Variants in OLFM1 observed in about 807,000 individuals in gnomAD.
OLFM1 encodes the protein noelin.
A neutral mutation model predicts 49.7 loss-of-function variants in OLFM1; 9 were observed. The ratio of observed to expected loss-of-function variants is 0.18; its 90% CI spans 0.11 to 0.32. The LOEUF (loss-of-function observed/expected upper bound fraction) is 0.32. OLFM1 is among the 10% of genes least tolerant of loss of function. OLFM1 has a pLI of 1.00. For synonymous variants in OLFM1, 240 were observed against 271.8 expected (o/e 0.88, Z 1.15); for missense variants, 369 against 661.8 (o/e 0.56, Z 4.85).
chr9:135,098,039 A>G lies in OLFM1; in HGVS notation c.457-247A>G. Reference sequence around the variant, plus strand: ...AAGAAAGAAAAAAAAAACTTCGTGTATGTGACTCAAAGCATGTAACCTTAA... The same window carrying G: ...AAGAAAGAAAAAAAAAACTTCGTGTGTGTGACTCAAAGCATGTAACCTTAA... On this transcript the variant is annotated intron_variant, in intron 3 of 5. Coordinates refer to ENST00000371793, the MANE Select transcript of OLFM1 (RefSeq NM_001282611.2). This position sits in a 1 kb window ranked among gnomAD's most constrained non-coding sequence, Gnocchi z 5.6. 2.8e-6 allele frequency: 4 copies of G among 1,423,102 alleles called. No individual in the cohort carries two copies. The highest frequency in any genetic ancestry group is 3.6e-6 in the Non-Finnish European group (4 of 1,096,486). 88.2% of individuals were successfully genotyped at this position (1,423,102 alleles called of 1,614,324 possible).
chr9:135,106,711 C>T (rs753597539), intron 4 of OLFM1, 38 bp from the exon 5 acceptor site: 2 of 1,583,020 alleles, frequency 1.3e-6, no homozygotes, highest in South Asian at 1.1e-5. Context: ...GGCCGGGGCC[C>T]CCGCCCTCCC....
At chr9:135,089,005 C>A (rs1830643211) in intron 1 of OLFM1, among the ~76,000 whole-genome samples, 1 of 152,228 alleles carries the variant, frequency 6.6e-6, no homozygotes, top group Non-Finnish European at 1.5e-5. Context: ...CGGGAAGGCG[C>A]GCCCCAGACC....
intron 4 of OLFM1, among the ~76,000 whole-genome samples, chr9:135,100,906 TTAGA>T (rs1554753672): frequency 2.1e-5 from 3 of 140,588 alleles, no homozygotes; most frequent in East Asian, 2.1e-4. Flanking sequence ...GGATAGGTAG[TTAGA>T]TAGATAAATG....
At chr9:135,111,176 C>T (rs117872508) in intron 5 of OLFM1, among the ~76,000 whole-genome samples, 1,809 of 152,314 alleles carry the variant, frequency 0.012, 25 homozygotes, top group South Asian at 0.073. Flanking sequence ...GCCTCGGTTT[C>T]GGAGAAGCCT....
intron 3 of OLFM1, among the ~76,000 whole-genome samples, chr9:135,097,046 T>C (rs983041054): frequency 2.6e-5 from 4 of 152,216 alleles, no homozygotes; most frequent in African/African-American, 4.8e-5. Flanking sequence ...CCAGCCCAGA[T>C]GTAAATGAAC....
chr9:135,085,695 C>T (rs1000472932), upstream of OLFM1, among the ~76,000 whole-genome samples: 52 of 152,360 alleles, frequency 3.4e-4, no homozygotes, highest in African/African-American at 1.2e-3. Context: ...TATTGCCTGG[C>T]GCCATGGATC....
In OLFM1 at chr9:135,095,926, C is replaced by G; in HGVS notation, c.363C>G (p.Tyr121Ter). Reference sequence around the variant, plus strand: ...GGCGGACCCAGAGAGACTTGCAGTACGTGGAGAAGATGGAGAACCAAATGA... The same window carrying G: ...GGCGGACCCAGAGAGACTTGCAGTAGGTGGAGAAGATGGAGAACCAAATGA... ...LDRRTQRDLQ[Y>*]VEKMENQMKG... The change falls in exon 3 of 6, where the codon TAC becomes TAG. Residue 121 changes from tyrosine to a stop codon, truncating the protein, a stop_gained. Coordinates refer to ENST00000371793, the MANE Select transcript of OLFM1 (RefSeq NM_001282611.2). LOFTEE classifies it high-confidence loss of function. The G allele has an allele frequency of 6.2e-7, 1 of 1,612,930 alleles. No homozygotes were observed. Among genetic ancestry groups the G allele is most frequent in the Non-Finnish European group, 8.5e-7 (1 of 1,179,484 alleles).
chr9:135,075,919 C>G, intron 1 of OLFM1: 1 of 1,405,094 alleles, frequency 7.1e-7, no homozygotes, highest in East Asian at 2.8e-5. Context: ...CCGGCCTGGG[C>G]GCCCGAAGTG....
At chr9:135,116,165 C>T (rs1437460481) in intron 5 of OLFM1, among the ~76,000 whole-genome samples, 1 of 152,304 alleles carries the variant, frequency 6.6e-6, no homozygotes, top group East Asian at 1.9e-4. Flanking sequence ...GGAATGAACT[C>T]AGAGGAGGGG....
At chr9:135,111,545 G>A (rs1831023370) in intron 5 of OLFM1, among the ~76,000 whole-genome samples, 1 of 152,134 alleles carries the variant, frequency 6.6e-6, no homozygotes, top group Non-Finnish European at 1.5e-5. Context: ...TCCTGCCTGT[G>A]CTGAGGGTGG....
At chr9:135,106,996 C>A in intron 5 of OLFM1, 141 bp downstream of exon 5, 1 of 655,974 alleles carries the variant, frequency 1.5e-6, no homozygotes, top group Non-Finnish European at 2.6e-6. Flanking sequence ...GGCGTTTGTT[C>A]CTGGAAGACT....
rs757402710 is a variant in OLFM1, at chr9:135,119,869, C to T, written c.1149C>T (p.Asp383=). ...NAGNIVVSRL[D]PVSLQTLQTW... ...GCAACATCGTGGTCAGTAGGCTGGA[C>T]CCCGTGTCCCTGCAGACCCTGCAGA... The change falls in exon 6 of 6, where the codon GAC becomes GAT. Residue 383 remains aspartate, a synonymous_variant. Coordinates refer to ENST00000371793, the MANE Select transcript of OLFM1 (RefSeq NM_001282611.2). 8 of 1,613,632 alleles carry T rather than the reference C, an allele frequency of 5.0e-6. No individual in the cohort carries two copies. Among genetic ancestry groups the T allele is most frequent in the South Asian group, 1.1e-5 (1 of 91,082 alleles).
At chr9:135,114,076 C>G (rs1473357204) in intron 5 of OLFM1, among the ~76,000 whole-genome samples, 1 of 148,692 alleles carries the variant, frequency 6.7e-6, no homozygotes, top group Non-Finnish European at 1.5e-5. Context: ...ACACTTGTCA[C>G]TGGATTTAGG....
At chr9:135,082,889 G>A (rs574754819), upstream of OLFM1, among the ~76,000 whole-genome samples, 108 of 152,280 alleles carry the variant, frequency 7.1e-4, no homozygotes, top group Non-Finnish European at 1.2e-3. Flanking sequence ...AGTAATGCCC[G>A]GGAGCCTCCT....
intron 2 of OLFM1, among the ~76,000 whole-genome samples, chr9:135,090,818 CT>C (rs1458144435): frequency 6.6e-6 from 1 of 152,168 alleles, no homozygotes; most frequent in East Asian, 1.9e-4. Context: ...GAGATGAGAT[CT>C]TTTTTCTGCC....
At chr9:135,081,448 C>T (rs757582859) in intron 1 of OLFM1, among the ~76,000 whole-genome samples, 32 of 152,156 alleles carry the variant, frequency 2.1e-4, no homozygotes, top group East Asian at 1.4e-3. Flanking sequence ...ACCTTGAAAA[C>T]GGGCTTTTGA....
At chr9:135,089,519 A>T (rs1242292681) in intron 1 of OLFM1, among the ~76,000 whole-genome samples, 1 of 152,192 alleles carries the variant, frequency 6.6e-6, no homozygotes, top group East Asian at 1.9e-4. Flanking sequence ...ACCCCTGCAC[A>T]GCATGTCACC....
At chr9:135,091,539 TCA>T (rs1263759480) in intron 2 of OLFM1, among the ~76,000 whole-genome samples, 9 of 101,450 alleles carry the variant, frequency 8.9e-5, no homozygotes, top group African/African-American at 1.7e-4. Context: ...ACAGTCACAC[TCA>T]CATAGTCACA....
At chr9:135,077,120 CTGT>C in intron 1 of OLFM1, 2 of 1,550,562 alleles carry the variant, frequency 1.3e-6, no homozygotes. Context: ...TGGTTGTGCA[CTGT>C]TGCTGGACAG....
Sources: gnomAD v4.1 joint callset for allele counts (sites outside exome capture counted in the v4.1 genomes callset) on GRCh38, gnomAD v4.1.1 for gene constraint, Gnocchi (gnomAD v3.1) non-coding constraint, MANE v1.5 for transcripts, NCBI Gene and HGNC (gene_info 2026-07-23, HGNC 2026-07-21) for gene names.